The following CADPS variants were observed in gnomAD, a reference collection of about 807,000 sequenced individuals.
The protein encoded by CADPS is calcium-dependent secretion activator 1.
CADPS carries 57 observed loss-of-function variants against 167.3 expected under a neutral mutation model. The observed-to-expected ratio is 0.34, with a 90% CI of 0.28 to 0.42. The LOEUF is 0.42. Ranked by LOEUF, CADPS falls within the 20% of genes least tolerant of loss-of-function variation. CADPS has a pLI of 1.00. For synonymous variants in CADPS, 676 were observed against 635.3 expected (o/e 1.06, Z -0.96); for missense variants, 1,414 against 1,738.1 (o/e 0.81, Z 3.32).
rs1705016892 is a variant in CADPS, at chr3:62,399,214, G to A, written c.*192C>T. The A allele has an allele frequency of 3.5e-6, 2 of 570,808 alleles. No individual in the cohort carries two copies. The highest frequency in any genetic ancestry group is 2.2e-5 in the South Asian group (1 of 46,086). The allele number at this position is 570,808 out of a possible 1,614,324, so 35.4% of individuals were successfully genotyped here. On this transcript the variant is annotated 3_prime_UTR_variant, in exon 30 of 30. Coordinates refer to ENST00000383710, the MANE Select transcript of CADPS (RefSeq NM_003716.4). This position sits in a 1 kb window ranked among gnomAD's most constrained non-coding sequence, Gnocchi z 5.6. ...ATATTGCTTGTAAACATATAGACAT[G>A]GACATCAGGAAATCAGTGGATATGA...
At chr3:62,618,104 A>T (rs146021926) in intron 6 of CADPS, among the ~76,000 whole-genome samples, 51 of 152,108 alleles carry the variant, frequency 3.4e-4, no homozygotes, top group African/African-American at 1.2e-3. Context: ...CACAAAATTT[A>T]GGCTGAAACC....
intron 28 of CADPS, among the ~76,000 whole-genome samples, chr3:62,437,731 C>T (rs2055431948): frequency 6.6e-6 from 1 of 152,162 alleles, no homozygotes; most frequent in Non-Finnish European, 1.5e-5. Context: ...GGGAGTTGGT[C>T]TCAGCCTCCC....
At chr3:62,447,574 T>G (rs774620295) in intron 26 of CADPS, among the ~76,000 whole-genome samples, 3 of 152,152 alleles carry the variant, frequency 2.0e-5, no homozygotes, top group African/African-American at 7.2e-5. Context: ...GGAAAATTTA[T>G]AGAGGGAAGC....
At chr3:62,783,853 G>T (rs986257635) in intron 1 of CADPS, among the ~76,000 whole-genome samples, 2 of 126,078 alleles carry the variant, frequency 1.6e-5, no homozygotes, top group African/African-American at 6.3e-5. Flanking sequence ...CACATGTATA[G>T]CATGGTATTA....
intron 1 of CADPS, among the ~76,000 whole-genome samples, chr3:62,871,721 T>C (rs1284219968): frequency 1.3e-5 from 2 of 152,152 alleles, no homozygotes; most frequent in Non-Finnish European, 2.9e-5. Context: ...TAACTTTGGC[T>C]AAAAACTAAG....
chr3:62,780,928 T>C (rs1421227311), intron 1 of CADPS, among the ~76,000 whole-genome samples: 1 of 152,192 alleles, frequency 6.6e-6, no homozygotes, highest in African/African-American at 2.4e-5. Flanking sequence ...GGACTTATCA[T>C]AGGGCTTGGC....
At chr3:62,537,225 C>T (rs1300916732) in intron 11 of CADPS, among the ~76,000 whole-genome samples, 3 of 152,160 alleles carry the variant, frequency 2.0e-5, no homozygotes, top group South Asian at 2.1e-4. Flanking sequence ...AGTGTGCTTA[C>T]TCAGTTAGCA....
Position 62,425,649 on chromosome 3 carries a change from C to T in CADPS, c.3777+12455G>A, listed in dbSNP as rs527727209. On this transcript the variant is annotated intron_variant, in intron 28 of 29. Coordinates refer to ENST00000383710, the MANE Select transcript of CADPS (RefSeq NM_003716.4). Reference sequence around the variant, plus strand: ...TTTAGCCCTCAAGTTTCTCGAGCAGCGAATGCCTACAAAGCAGGTACCTAC... The same window carrying T: ...TTTAGCCCTCAAGTTTCTCGAGCAGTGAATGCCTACAAAGCAGGTACCTAC... 7.9e-5 allele frequency among the ~76,000 whole-genome samples: 12 copies of T among 152,262 alleles called. No individual in the cohort carries two copies. In the South Asian group the frequency reaches 2.5e-3, roughly 32 times the overall value.
intron 5 of CADPS, among the ~76,000 whole-genome samples, chr3:62,649,577 TA>T (rs2069529502): frequency 3.5e-5 from 3 of 84,982 alleles, no homozygotes; most frequent in South Asian, 7.9e-4. Flanking sequence ...TTTTTTTTTT[TA>T]AAGACAGGGT....
At chr3:62,828,719 T>C (rs543680610) in intron 1 of CADPS, among the ~76,000 whole-genome samples, 15 of 152,278 alleles carry the variant, frequency 9.9e-5, no homozygotes, top group African/African-American at 2.6e-4. Flanking sequence ...TGTAAATATA[T>C]ACCAGCAGAT....
chr3:62,410,484 C>G (rs963637670), intron 28 of CADPS, among the ~76,000 whole-genome samples: 1 of 152,176 alleles, frequency 6.6e-6, no homozygotes, highest in Non-Finnish European at 1.5e-5. Context: ...GGTCTAGCAG[C>G]TAGCAAGAGA....
chr3:62,600,921 C>T (rs1409733208), intron 6 of CADPS, among the ~76,000 whole-genome samples: 1 of 152,016 alleles, frequency 6.6e-6, no homozygotes, highest in African/African-American at 2.4e-5. Flanking sequence ...GAGTATGAGG[C>T]CAGCCTGGGC....
chr3:62,670,328 A>C (rs995211533), intron 3 of CADPS, among the ~76,000 whole-genome samples: 2 of 152,194 alleles, frequency 1.3e-5, no homozygotes, highest in African/African-American at 4.8e-5. Context: ...TAGAAAGAAC[A>C]TGGAGTTCGG....
chr3:62,792,815 C>A (rs2093064611), intron 1 of CADPS, among the ~76,000 whole-genome samples: 1 of 152,044 alleles, frequency 6.6e-6, no homozygotes, highest in South Asian at 2.1e-4. Context: ...TCAGGCTGGC[C>A]TCAAACTCCT....
At chr3:62,645,685 C>T (rs375500165) in intron 6 of CADPS, 37 bp downstream of exon 6, 6 of 1,609,142 alleles carry the variant, frequency 3.7e-6, no homozygotes, top group Non-Finnish European at 5.1e-6. Context: ...ATGGCAGCAA[C>T]CCTCTATAAG....
chr3:62,530,539 G>C (rs909677598), intron 13 of CADPS: 3 of 622,044 alleles, frequency 4.8e-6, no homozygotes, highest in African/African-American at 4.0e-5. Context: ...AATGCTTAAA[G>C]AGAGACTTTA....
intron 28 of CADPS, among the ~76,000 whole-genome samples, chr3:62,426,444 C>T (rs769923137): frequency 5.9e-5 from 9 of 152,132 alleles, no homozygotes; most frequent in Admixed American, 1.3e-4. Context: ...CCACCGCGCC[C>T]GGCCGTGTGT....
At chr3:62,654,902 T>C (rs1405193885) in intron 4 of CADPS, among the ~76,000 whole-genome samples, 2 of 152,182 alleles carry the variant, frequency 1.3e-5, no homozygotes, top group African/African-American at 4.8e-5. Context: ...AGAGACTGTC[T>C]TGTCAAGTGC....
At chr3:62,796,600 G>A (rs886838267) in intron 1 of CADPS, among the ~76,000 whole-genome samples, 11 of 152,182 alleles carry the variant, frequency 7.2e-5, no homozygotes, top group Non-Finnish European at 1.3e-4. Flanking sequence ...CTATAGCAGA[G>A]AGAGTCTAGG....
Sources: gnomAD v4.1 joint callset for allele counts (sites outside exome capture counted in the v4.1 genomes callset) on GRCh38, gnomAD v4.1.1 for gene constraint, Gnocchi (gnomAD v3.1) non-coding constraint, MANE v1.5 for transcripts, NCBI Gene and HGNC (gene_info 2026-07-23, HGNC 2026-07-21) for gene names.